Variants in SRSF4 observed in about 807,000 individuals in gnomAD.
SRSF4 encodes the protein serine/arginine-rich splicing factor 4.
A neutral mutation model predicts 48.8 loss-of-function variants in SRSF4; 12 were observed. The ratio of observed to expected loss-of-function variants is 0.25; its 90% CI spans 0.16 to 0.40. The LOEUF (loss-of-function observed/expected upper bound fraction) is 0.40, where lower values mean the gene tolerates loss of function less well. Ranked by LOEUF, SRSF4 falls within the 10% of genes least tolerant of loss-of-function variation. SRSF4 has a pLI of 1.00. For synonymous variants in SRSF4, 248 were observed against 232.5 expected (o/e 1.07, Z -0.61); for missense variants, 466 against 667.1 (o/e 0.70, Z 3.32).
At chr1:29,175,017 A>G (rs1480397946) in intron 1 of SRSF4, among the ~76,000 whole-genome samples, 5 of 151,808 alleles carry the variant, frequency 3.3e-5, no homozygotes, top group African/African-American at 1.2e-4. Context: ...GAAGAGAGAC[A>G]GAGTGCGTGC....
intron 1 of SRSF4, among the ~76,000 whole-genome samples, chr1:29,165,668 G>C (rs577698649): frequency 6.6e-6 from 1 of 152,158 alleles, no homozygotes; most frequent in Non-Finnish European, 1.5e-5. Context: ...AATACCCATG[G>C]CTTGCTCTGG....
intron 3 of SRSF4, among the ~76,000 whole-genome samples, chr1:29,157,297 TC>T (rs1419976930): frequency 2.6e-5 from 4 of 152,068 alleles, no homozygotes; most frequent in Non-Finnish European, 5.9e-5. Context: ...CATAAGCCTT[TC>T]CCCCAACAGT....
chr1:29,167,949 C>T (rs1258059208), intron 1 of SRSF4, among the ~76,000 whole-genome samples: 1 of 151,428 alleles, frequency 6.6e-6, no homozygotes, highest in African/African-American at 2.4e-5. Context: ...AGTGAAGGAG[C>T]TAGATTTGAA....
intron 2 of SRSF4, 132 bp downstream of exon 2, chr1:29,160,243 T>TA (rs923886338): frequency 9.1e-7 from 1 of 1,100,834 alleles, no homozygotes; most frequent in Middle Eastern, 2.4e-4. Context: ...TCTACATTTT[T>TA]AAAAAAGATA....
intron 1 of SRSF4, among the ~76,000 whole-genome samples, chr1:29,177,392 T>C (rs945900656): frequency 6.6e-6 from 1 of 151,908 alleles, no homozygotes; most frequent in African/African-American, 2.4e-5. Flanking sequence ...AGTGATTCTC[T>C]TGCCTCAGCC....
At chr1:29,171,015 TG>T (rs1315004035) in intron 1 of SRSF4, 1 of 152,222 alleles carries the variant, frequency 6.6e-6, no homozygotes, top group African/African-American at 2.4e-5. Context: ...CCTCAAACTA[TG>T]GGCATACAAA....
chr1:29,149,863 T>TA lies in SRSF4; in HGVS notation c.668+239dup, dbSNP rs1672379654. The stretch of plus-strand genomic sequence containing the variant: ...GGGCAACATAGTGAGACCCTGTCTC[T>TA]AAAAAAAATTAAAAAATTAGCTGGG... On this transcript the variant is annotated intron_variant, in intron 5 of 5. Coordinates refer to ENST00000373795, the MANE Select transcript of SRSF4 (RefSeq NM_005626.5). Among the ~76,000 whole-genome samples, 5 of 151,160 alleles carry TA rather than the reference T, an allele frequency of 3.3e-5. No individual in the cohort carries two copies. The East Asian group carries it at 7.8e-4, about 24-fold the overall frequency.
chr1:29,155,461 T>C (rs559612390), intron 3 of SRSF4, among the ~76,000 whole-genome samples: 73 of 152,216 alleles, frequency 4.8e-4, no homozygotes, highest in African/African-American at 1.6e-3. Flanking sequence ...TGTGTGAATA[T>C]AGAAGTTTTC....
chr1:29,157,530 G>A (rs1415312145), intron 3 of SRSF4, among the ~76,000 whole-genome samples: 1 of 152,130 alleles, frequency 6.6e-6, no homozygotes, highest in Non-Finnish European at 1.5e-5. Flanking sequence ...CTGCTACGGT[G>A]CTGACGATAA....
chr1:29,176,658 A>G (rs892898299), intron 1 of SRSF4, among the ~76,000 whole-genome samples: 1 of 152,182 alleles, frequency 6.6e-6, no homozygotes, highest in Non-Finnish European at 1.5e-5. Flanking sequence ...TCAGTATCTA[A>G]GGCTTAATAA....
intron 1 of SRSF4, among the ~76,000 whole-genome samples, chr1:29,179,569 A>G (rs1022279502): frequency 4.6e-5 from 7 of 152,172 alleles, no homozygotes; most frequent in Admixed American, 1.3e-4. Context: ...GGCTGGTCTC[A>G]AACTCCTGGC....
rs560875585 is a variant in SRSF4, at chr1:29,148,061, T to C, written c.*349A>G. ...GGCATCAATTCAAGAGCAAAAATGG[T>C]TGAACTCACCATACCTACCTATGTG... is the stretch of plus-strand genomic sequence containing the variant. On this transcript the variant is annotated 3_prime_UTR_variant, in exon 6 of 6. Transcript: ENST00000373795. 1.8e-5 allele frequency: 9 copies of C among 491,498 alleles called. No homozygotes were observed. Among genetic ancestry groups the C allele is most frequent in the East Asian group, 1.8e-4 (3 of 16,908 alleles). 30.4% of individuals were successfully genotyped at this position (491,498 alleles called of 1,614,324 possible).
At chr1:29,153,896 C>T (rs1437004412) in intron 4 of SRSF4, among the ~76,000 whole-genome samples, 1 of 151,672 alleles carries the variant, frequency 6.6e-6, no homozygotes, top group African/African-American at 2.4e-5. Context: ...CCACTGTGCC[C>T]GGCCTCTGAT....
chr1:29,159,340 CA>C, intron 3 of SRSF4, 33 bp downstream of exon 3: 1 of 1,524,150 alleles, frequency 6.6e-7, no homozygotes, highest in Non-Finnish European at 9.1e-7. Context: ...AACTCCTGCC[CA>C]ACCTTACCCC....
At chr1:29,169,711 G>A (rs1672721022) in intron 1 of SRSF4, 1 of 152,240 alleles carries the variant, frequency 6.6e-6, no homozygotes, top group South Asian at 2.1e-4. Context: ...CTCTAATGAT[G>A]AACTAACCAA....
chr1:29,174,507 C>A (rs1249027170), intron 1 of SRSF4, among the ~76,000 whole-genome samples: 1 of 151,876 alleles, frequency 6.6e-6, no homozygotes, highest in Non-Finnish European at 1.5e-5. Context: ...TACTATGTAG[C>A]CATTAGAAAC....
At position 29,148,856 on chromosome 1, in the gene SRSF4, G is replaced by GGCTCCT; in HGVS notation, c.1033_1038dup (p.Arg347_Ser348dup). ...TTCCTCTTGTCCTTGCTCTTGCTGC[G>GGCTCCT]GCTCCTGCTCCGGCTCCTGCTGCCC... On this transcript the variant is annotated inframe_insertion, in exon 6 of 6. Coordinates refer to ENST00000373795, the MANE Select transcript of SRSF4 (RefSeq NM_005626.5). 1.9e-6 allele frequency: 3 copies of GGCTCCT among 1,607,560 alleles called. No homozygotes were observed. Among genetic ancestry groups the GGCTCCT allele is most frequent in the Non-Finnish European group, 2.6e-6 (3 of 1,176,164 alleles).
intron 1 of SRSF4, among the ~76,000 whole-genome samples, chr1:29,167,834 T>C (rs964970683): frequency 6.6e-6 from 1 of 152,216 alleles, no homozygotes; most frequent in South Asian, 2.1e-4. Context: ...TAATATTTCA[T>C]CCATTTGTAT....
At chr1:29,164,890 A>G (rs1156458315) in intron 1 of SRSF4, among the ~76,000 whole-genome samples, 1 of 152,242 alleles carries the variant, frequency 6.6e-6, no homozygotes, top group African/African-American at 2.4e-5. Flanking sequence ...TAGGTTGAGT[A>G]TTCTGAATCC....
Sources: gnomAD v4.1 joint callset for allele counts (sites outside exome capture counted in the v4.1 genomes callset) on GRCh38, gnomAD v4.1.1 for gene constraint, MANE v1.5 for transcripts, NCBI Gene and HGNC (gene_info 2026-07-23, HGNC 2026-07-21) for gene names.